The following VPS13C variants were observed in gnomAD, a reference collection of about 807,000 sequenced individuals.
VPS13C encodes the protein intermembrane lipid transfer protein VPS13C.
VPS13C carries 358 observed loss-of-function variants against 456.8 expected under a neutral mutation model. That is an observed-to-expected ratio of 0.78 (90% CI 0.72 to 0.86). VPS13C has a LOEUF of 0.86. VPS13C is among the 40% of genes least tolerant of loss of function. VPS13C has a pLI of 0.00. For synonymous variants in VPS13C, 1,578 were observed against 1,486.7 expected (o/e 1.06, Z -1.41); for missense variants, 4,818 against 4,385.4 (o/e 1.10, Z -2.79).
Position 61,910,292 on chromosome 15 carries a change from CA to C in VPS13C, c.8728del (p.Trp2910GlyfsTer11). On this transcript the variant is annotated frameshift_variant, in exon 64 of 85. Transcript: ENST00000644861. LOFTEE classifies it high-confidence loss of function. ...YIASSECLPFWPESLSGKLCV... is the reference protein window; with the variant it reads ...YIASSECLPFXPESLSGKLCV... ...AAGTTTGCCTGACAAACTTTCTGGC[CA>C]AAATGGAAGGCACTAAAAATATAGA... 1.3e-6 allele frequency: 2 copies of C among 1,520,090 alleles called. No homozygotes were observed. Among genetic ancestry groups the C allele is most frequent in the East Asian group, 2.5e-5 (1 of 39,816 alleles). 94.2% of individuals were successfully genotyped at this position (1,520,090 alleles called of 1,614,324 possible).
intron 15 of VPS13C, among the ~76,000 whole-genome samples, chr15:62,003,157 A>C (rs1431005917): frequency 6.6e-6 from 1 of 151,948 alleles, no homozygotes; most frequent in African/African-American, 2.4e-5. Context: ...ATGAGCATGG[A>C]ATGTTCTTCC....
chr15:61,996,031 T>C (rs1192567821), intron 16 of VPS13C, among the ~76,000 whole-genome samples: 1 of 152,088 alleles, frequency 6.6e-6, no homozygotes, highest in African/African-American at 2.4e-5. Context: ...AAGGAACCAG[T>C]AAATGGAGTT....
chr15:62,021,099 C>T (rs914803528), intron 8 of VPS13C, among the ~76,000 whole-genome samples: 2 of 151,708 alleles, frequency 1.3e-5, no homozygotes, highest in South Asian at 2.1e-4. Flanking sequence ...AATGAATACA[C>T]GTGGTCAGTG....
intron 3 of VPS13C, among the ~76,000 whole-genome samples, chr15:62,037,308 AT>A (rs2048067547): frequency 1.4e-5 from 1 of 70,068 alleles, no homozygotes; most frequent in South Asian, 3.6e-4. Flanking sequence ...TAATATATAT[AT>A]AAATATATTA....
chr15:61,882,674 G>C lies in VPS13C; in HGVS notation c.9546C>G (p.Asp3182Glu), dbSNP rs772151347. The C allele has an allele frequency of 2.5e-5, 40 of 1,599,232 alleles. No homozygotes were observed. The highest frequency in any genetic ancestry group is 3.4e-5 in the Non-Finnish European group (40 of 1,173,210). The change falls in exon 69 of 85, where the codon GAC becomes GAG. Residue 3182 changes from aspartate to glutamate, a missense_variant. Asp to Glu is a conservative substitution (Grantham distance 45). This residue lies in a region of VPS13C where 4,552 missense variants were observed against 4,130.6 expected (regional missense o/e 1.10). Coordinates refer to ENST00000644861, the MANE Select transcript of VPS13C (RefSeq NM_020821.3). The part of the protein sequence containing the change: ...RLPIRSPIKR[D>E]FLSGIQIEFK... ...ATTCAATCTGAATTCCTGATAAAAA[G>C]TCTCGTTTAATAGGGCTACGAATAG...
intron 35 of VPS13C, among the ~76,000 whole-genome samples, chr15:61,960,515 A>G (rs2045158239): frequency 1.3e-5 from 2 of 152,204 alleles, no homozygotes; most frequent in Admixed American, 6.5e-5. Flanking sequence ...AATTTCTAGA[A>G]TTATATCATA....
chr15:61,947,311 T>TA lies in VPS13C; in HGVS notation c.4760-3dup, dbSNP rs199602573. The TA allele has an allele frequency of 8.2e-4, 1,309 of 1,595,370 alleles. 9 individuals are homozygous for TA. In the African/African-American group the frequency reaches 0.015, roughly 19 times the overall value. On this transcript the variant is annotated splice_region_variant and splice_polypyrimidine_tract_variant and intron_variant, in intron 42 of 84. Coordinates refer to ENST00000644861, the MANE Select transcript of VPS13C (RefSeq NM_020821.3). ...CCTTTTGGGAAATGTTGCTGGATAC[T>TA]AAAAAATAATAGAAACCTTCTGATG...
chr15:61,959,394 T>C, intron 36 of VPS13C, 54 bp downstream of exon 36: 2 of 1,465,822 alleles, frequency 1.4e-6, no homozygotes, highest in Non-Finnish European at 1.8e-6. Context: ...CTGCTAAAAG[T>C]CTTTGGAGTT....
intron 47 of VPS13C, among the ~76,000 whole-genome samples, chr15:61,940,264 A>G (rs2044374379): frequency 6.6e-6 from 1 of 152,180 alleles, no homozygotes; most frequent in Non-Finnish European, 1.5e-5. Flanking sequence ...AACTGCATTA[A>G]AACTTTAACA....
intron 40 of VPS13C, 138 bp from the exon 41 acceptor site, chr15:61,950,555 CAA>C (rs202137136): frequency 1.7e-4 from 82 of 476,366 alleles, no homozygotes; most frequent in Non-Finnish European, 1.9e-4. Flanking sequence ...GAAAGCCATT[CAA>C]AAAAAAAAAA....
At chr15:61,996,618 G>A (rs2046391701) in intron 16 of VPS13C, among the ~76,000 whole-genome samples, 2 of 151,796 alleles carry the variant, frequency 1.3e-5, no homozygotes, top group African/African-American at 4.8e-5. Flanking sequence ...CAAACACACT[G>A]GAAATTACTA....
intron 2 of VPS13C, among the ~76,000 whole-genome samples, chr15:62,042,834 G>A (rs1226546480): frequency 2.0e-5 from 3 of 151,772 alleles, no homozygotes; most frequent in African/African-American, 7.3e-5. Flanking sequence ...GTCAAAGGGT[G>A]CAGCACACCA....
At position 61,940,785 on chromosome 15, in the gene VPS13C, C is replaced by T. The variant is rs772937110; in HGVS notation, c.5463G>A (p.Leu1821=). ...TGTCATTTTGTGGCAAGCTAGCCTG[C>T]AAAATAGTTCTGAAAGAAAAACAAG... The part of the protein sequence containing the change: ...LTQLKLSRTI[L]QASLPQNDIE... The change falls in exon 47 of 85, where the codon TTG becomes TTA. Residue 1821 remains leucine (L), a synonymous_variant. Coordinates refer to ENST00000644861, the MANE Select transcript of VPS13C (RefSeq NM_020821.3). 26 of 1,604,964 alleles carry T rather than the reference C, an allele frequency of 1.6e-5. No individual in the cohort carries two copies. The highest frequency in any genetic ancestry group is 2.7e-5 in the African/African-American group (2 of 74,410).
intron 9 of VPS13C, among the ~76,000 whole-genome samples, chr15:62,017,761 C>T (rs2047310514): frequency 6.6e-6 from 1 of 152,086 alleles, no homozygotes; most frequent in Non-Finnish European, 1.5e-5. Context: ...ATTGACTTGG[C>T]AATGTGGGCT....
At chr15:61,954,345 G>C (rs183854815) in intron 38 of VPS13C, 76 bp downstream of exon 38, 27 of 1,479,892 alleles carry the variant, frequency 1.8e-5, no homozygotes, top group Non-Finnish European at 2.3e-5. Flanking sequence ...TCAATTATCT[G>C]TAAGTTTAGT....
chr15:61,890,444 G>C (rs1307468213), intron 66 of VPS13C, 44 bp from the exon 67 acceptor site: 1 of 1,516,316 alleles, frequency 6.6e-7, no homozygotes, highest in Non-Finnish European at 9.0e-7. Flanking sequence ...ATAGTAACTT[G>C]TTATTATATA....
rs371685718 is a variant in VPS13C, at chr15:61,922,680, G to A, written c.6692C>T (p.Thr2231Met). The change falls in exon 54 of 85, where the codon ACG becomes ATG. Residue 2231 changes from threonine (T) to methionine (M), a missense_variant. Thr to Met is a moderately conservative substitution (Grantham distance 81, BLOSUM62 -1). Around this residue, in one of 3 missense-constraint regions of VPS13C, gnomAD observed 4,552 missense variants for 4,130.6 expected, o/e 1.10. Coordinates refer to ENST00000644861, the MANE Select transcript of VPS13C (RefSeq NM_020821.3). The part of the protein sequence containing the change: ...PKTKEDGSKD[T>M]SKEMENLWGI... ...CCAAAGATTTTCCATTTCCTTAGACGTATCTTTGGATCCATCTTCTTTTGT... is the reference window on the plus strand; with the variant it reads ...CCAAAGATTTTCCATTTCCTTAGACATATCTTTGGATCCATCTTCTTTTGT... 32 of 1,613,598 alleles carry A rather than the reference G, an allele frequency of 2.0e-5. No homozygotes were observed. Among genetic ancestry groups the A allele is most frequent in the African/African-American group, 1.7e-4 (13 of 74,798 alleles).
chr15:61,891,009 C>T (rs1355906823), intron 66 of VPS13C, among the ~76,000 whole-genome samples: 1 of 152,032 alleles, frequency 6.6e-6, no homozygotes, highest in Non-Finnish European at 1.5e-5. Flanking sequence ...ATAGCGTCAT[C>T]GCACTCCAGC....
intron 47 of VPS13C, among the ~76,000 whole-genome samples, chr15:61,937,712 G>A (rs1311397172): frequency 6.6e-6 from 1 of 152,178 alleles, no homozygotes; most frequent in Non-Finnish European, 1.5e-5. Flanking sequence ...CTGACCTCGT[G>A]ATCCAACCGC....
Sources: allele counts gnomAD v4.1 joint callset (sites outside exome capture counted in the v4.1 genomes callset), GRCh38; gene constraint gnomAD v4.1.1; regional missense constraint gnomAD v4.1.1; transcripts MANE v1.5; gene names NCBI Gene and HGNC (gene_info 2026-07-23, HGNC 2026-07-21).